NAALADL2: variants seen among roughly 807,000 people sequenced by gnomAD.
NAALADL2 encodes N-acetylated alpha-linked acidic dipeptidase like 2.
A neutral mutation model predicts 87.2 loss-of-function variants in NAALADL2; 76 were observed. That is an observed-to-expected ratio of 0.87 (90% CI 0.72 to 1.05). The LOEUF (loss-of-function observed/expected upper bound fraction) is 1.05, where lower values mean the gene tolerates loss of function less well. NAALADL2 is among the 50% of genes least tolerant of loss of function. The probability of loss-of-function intolerance (pLI) is 0.00; values close to 1 mark genes in which losing one functional copy is unlikely to be tolerated. For missense variants in NAALADL2, 1,089 were observed against 945.8 expected (o/e 1.15, Z -1.99); for synonymous variants, 354 against 331.0 (o/e 1.07, Z -0.75).
intron 11 of NAALADL2, among the ~76,000 whole-genome samples, chr3:175,711,764 A>G (rs952950650): frequency 6.6e-6 from 1 of 151,894 alleles, no homozygotes; most frequent in Non-Finnish European, 1.5e-5. Flanking sequence ...ACTAGTTATG[A>G]GGAGATATAA....
At chr3:174,886,026 G>T (rs1427198790) in intron 1 of NAALADL2, among the ~76,000 whole-genome samples, 1 of 150,662 alleles carries the variant, frequency 6.6e-6, no homozygotes, top group African/African-American at 2.4e-5. Flanking sequence ...CCATTCTCCT[G>T]CCTCAGTCTC....
At chr3:174,664,618 A>G (rs919266318) in intron 2 of NAALADL2, among the ~76,000 whole-genome samples, 12 of 152,172 alleles carry the variant, frequency 7.9e-5, no homozygotes, top group African/African-American at 2.4e-4. Flanking sequence ...ATACATACCT[A>G]CATATGTTGT....
chr3:174,823,027 A>G (rs1301702524), intron 3 of NAALADL2, among the ~76,000 whole-genome samples: 1 of 152,216 alleles, frequency 6.6e-6, no homozygotes, highest in African/African-American at 2.4e-5. Flanking sequence ...ATATTTCGGT[A>G]TACATTATGA....
chr3:175,086,577 GTT>G (rs1335713777), intron 1 of NAALADL2, among the ~76,000 whole-genome samples: 1 of 152,064 alleles, frequency 6.6e-6, no homozygotes, highest in Non-Finnish European at 1.5e-5. Flanking sequence ...TCTGTTAAAT[GTT>G]TTATATTTAA....
chr3:174,652,287 G>A (rs947323325), intron 2 of NAALADL2, among the ~76,000 whole-genome samples: 3 of 152,200 alleles, frequency 2.0e-5, no homozygotes, highest in Non-Finnish European at 4.4e-5. Context: ...CAGTGCTATA[G>A]AGGGATATCT....
intron 3 of NAALADL2, among the ~76,000 whole-genome samples, chr3:174,810,432 G>T (rs551529856): frequency 5.9e-5 from 9 of 152,166 alleles, no homozygotes; most frequent in Admixed American, 5.9e-4. Context: ...GGTCACTTCT[G>T]TTACACATTG....
chr3:174,961,474 G>A (rs1415595561), intron 1 of NAALADL2, among the ~76,000 whole-genome samples: 1 of 152,042 alleles, frequency 6.6e-6, no homozygotes, highest in Non-Finnish European at 1.5e-5. Flanking sequence ...TGGGGAACGT[G>A]TATTTTTCTT....
At chr3:175,458,589 A>C (rs1722668767) in intron 6 of NAALADL2, among the ~76,000 whole-genome samples, 1 of 148,370 alleles carries the variant, frequency 6.7e-6, no homozygotes. Context: ...TAATAAAAAT[A>C]AATTATATAT....
chr3:174,601,625 G>A (rs545935145), intron 2 of NAALADL2, among the ~76,000 whole-genome samples: 24 of 152,132 alleles, frequency 1.6e-4, no homozygotes, highest in African/African-American at 5.1e-4. Context: ...TGTATCCTTT[G>A]CTATGCAGAA....
chr3:175,299,017 A>G (rs1274996705), intron 4 of NAALADL2, among the ~76,000 whole-genome samples: 1 of 152,174 alleles, frequency 6.6e-6, no homozygotes, highest in Non-Finnish European at 1.5e-5. Flanking sequence ...ACACCAGTGT[A>G]AGCATTAACA....
chr3:174,595,509 G>T (rs1578257814), intron 2 of NAALADL2, among the ~76,000 whole-genome samples: 1 of 152,112 alleles, frequency 6.6e-6, no homozygotes, highest in Non-Finnish European at 1.5e-5. Flanking sequence ...GGGAGAAAAG[G>T]CTATCCTGGA....
At chr3:175,574,932 C>T (rs913622021) in intron 9 of NAALADL2, among the ~76,000 whole-genome samples, 3 of 152,032 alleles carry the variant, frequency 2.0e-5, no homozygotes, top group Admixed American at 2.0e-4. Flanking sequence ...CACAACTGTC[C>T]GGGAGATTGC....
chr3:175,065,810 CT>C (rs1714434813), intron 1 of NAALADL2, among the ~76,000 whole-genome samples: 1 of 152,170 alleles, frequency 6.6e-6, no homozygotes, highest in South Asian at 2.1e-4. Flanking sequence ...CGAGAAAAAC[CT>C]AGCCCTTTTA....
intron 11 of NAALADL2, among the ~76,000 whole-genome samples, chr3:175,677,478 GGTGTGT>G (rs144329998): frequency 0.036 from 5,020 of 140,158 alleles, 139 homozygotes; most frequent in African/African-American, 0.073. Flanking sequence ...AGTATAATGG[GGTGTGT>G]GTGTGTGTGT....
intron 1 of NAALADL2, among the ~76,000 whole-genome samples, chr3:175,001,313 C>T (rs1748196824): frequency 6.6e-6 from 1 of 151,868 alleles, no homozygotes; most frequent in Admixed American, 6.6e-5. Context: ...CATCTGTTTA[C>T]ATTTTGAGTA....
chr3:174,882,101 G>A (rs1313153225), intron 1 of NAALADL2, among the ~76,000 whole-genome samples: 1 of 152,082 alleles, frequency 6.6e-6, no homozygotes, highest in African/African-American at 2.4e-5. Flanking sequence ...TATTTAAGGT[G>A]TTACAGAACA....
chr3:175,189,337 A>G (rs1404057529), intron 2 of NAALADL2, among the ~76,000 whole-genome samples: 1 of 152,212 alleles, frequency 6.6e-6, no homozygotes, highest in Non-Finnish European at 1.5e-5. Flanking sequence ...AAAGCCCCAA[A>G]TATTGTACAA....
intron 1 of NAALADL2, among the ~76,000 whole-genome samples, chr3:174,529,345 C>T (rs1183543779): frequency 6.6e-6 from 1 of 152,168 alleles, no homozygotes; most frequent in Non-Finnish European, 1.5e-5. Context: ...CTGCTCTGCC[C>T]CTGTGGCTCT....
chr3:175,118,112 T>C (rs1263939628), intron 2 of NAALADL2, among the ~76,000 whole-genome samples: 2 of 93,648 alleles, frequency 2.1e-5, no homozygotes, highest in East Asian at 6.7e-4. Context: ...CTGGGGCCTG[T>C]CGTAGGGTGG....
Sources: allele counts gnomAD v4.1 joint callset (sites outside exome capture counted in the v4.1 genomes callset), GRCh38; gene constraint gnomAD v4.1.1; transcripts MANE v1.5; gene names NCBI Gene and HGNC (gene_info 2026-07-23, HGNC 2026-07-21).